The following ZNF675 variants were observed in gnomAD, a reference collection of about 807,000 sequenced individuals.
ZNF675 encodes TRAF6 inhibitory zinc finger.
A neutral mutation model predicts 56.1 loss-of-function variants in ZNF675; 36 were observed. The ratio of observed to expected loss-of-function variants is 0.64; its 90% CI spans 0.49 to 0.85. The LOEUF (loss-of-function observed/expected upper bound fraction) is 0.85, where lower values mean the gene tolerates loss of function less well. Ranked by LOEUF, ZNF675 falls within the 40% of genes least tolerant of loss-of-function variation. ZNF675 has a pLI of 0.00. For synonymous variants in ZNF675, 200 were observed against 218.9 expected, an observed-to-expected ratio of 0.91 and a Z score of 0.76; for missense variants, 663 against 654.2, an observed-to-expected ratio of 1.01 and a Z score of -0.15.
At position 23,654,625 on chromosome 19, in the gene ZNF675, T is replaced by C. The variant is rs564423664; in HGVS notation, c.308A>G (p.Tyr103Cys). ...DSFEKVTLRR[Y>C]EKCGNDNFQL... ...AAAATTATCATTTCCACATTTTTCATATCTTCTCAGTGTCACTTTTTCAAA... is the reference window on the plus strand; with the variant it reads ...AAAATTATCATTTCCACATTTTTCACATCTTCTCAGTGTCACTTTTTCAAA... Residue 103 changes from tyrosine to cysteine, a missense_variant, in exon 4 of 4, where the codon TAT becomes TGT. Physicochemically the swap from Tyr to Cys is radical, Grantham distance 194. Coordinates refer to ENST00000359788, the MANE Select transcript of ZNF675 (RefSeq NM_138330.3). The C allele has an allele frequency of 6.2e-7, 1 of 1,609,624 alleles. No homozygotes were observed. Among genetic ancestry groups the C allele is most frequent in the African/African-American group, 1.3e-5 (1 of 74,820 alleles).
intron 1 of ZNF675, among the ~76,000 whole-genome samples, chr19:23,684,766 A>G (rs1039918396): frequency 2.6e-5 from 4 of 152,154 alleles, no homozygotes; most frequent in African/African-American, 4.8e-5. Flanking sequence ...TCACTGCACT[A>G]TGCCTCAGTG....
At position 23,653,591 on chromosome 19, in the gene ZNF675, C is replaced by T. The variant is rs753328103; in HGVS notation, c.1342G>A (p.Gly448Arg). Residue 448 changes from glycine (G) to arginine (R), a missense_variant, in exon 4 of 4, where the codon GGA (glycine) becomes AGA (arginine). Gly to Arg is a moderately radical substitution (Grantham distance 125, BLOSUM62 -2). This residue lies in a region of ZNF675 where 617 missense variants were observed against 590.5 expected (regional missense o/e 1.04). Transcript: ENST00000359788. ...KLTEHKKLHTGKKPYKCEECG... is the reference protein window; with the variant it reads ...KLTEHKKLHTRKKPYKCEECG... ...TCTTCACATTTGTAGGGTTTCTTTC[C>T]AGTATGAAGTTTCTTATGTTCAGTA... The T allele has an allele frequency of 3.7e-6, 6 of 1,612,504 alleles. No individual in the cohort carries two copies. Among genetic ancestry groups the T allele is most frequent in the South Asian group, 1.1e-5 (1 of 90,960 alleles).
intron 1 of ZNF675, among the ~76,000 whole-genome samples, chr19:23,676,878 T>C (rs1968302797): frequency 6.6e-6 from 1 of 150,692 alleles, no homozygotes; most frequent in Admixed American, 6.6e-5. Context: ...ATGGAGACCA[T>C]CCTGGCTAAC....
At chr19:23,659,560 A>G (rs959992100) in intron 3 of ZNF675, among the ~76,000 whole-genome samples, 3 of 152,230 alleles carry the variant, frequency 2.0e-5, no homozygotes, top group Non-Finnish European at 4.4e-5. Flanking sequence ...AGTGCCTTTG[A>G]GAGCTTTGAG....
chr19:23,653,588 T>A lies in ZNF675; in HGVS notation c.1345A>T (p.Lys449Ter). ...LTEHKKLHTG[K>*]KPYKCEECGK... ...CATTCTTCACATTTGTAGGGTTTCT[T>A]TCCAGTATGAAGTTTCTTATGTTCA... Residue 449 changes from lysine (K) to a stop codon, truncating the protein, a stop_gained, in exon 4 of 4, where the codon AAG becomes TAG. Coordinates refer to ENST00000359788, the MANE Select transcript of ZNF675 (RefSeq NM_138330.3). LOFTEE classifies it high-confidence loss of function. 2 of 1,600,002 alleles carry A rather than the reference T, an allele frequency of 1.3e-6. No homozygotes were observed. Among genetic ancestry groups the A allele is most frequent in the Non-Finnish European group, 1.7e-6 (2 of 1,174,642 alleles).
chr19:23,653,173 C>T lies in ZNF675; in HGVS notation c.*53G>A. ...TCTTTACATTTCTAGAATTTTTCAC[C>T]AGTATGATTTCCTTTATATTTAGAA... On this transcript the variant is annotated 3_prime_UTR_variant, in exon 4 of 4. Coordinates refer to ENST00000359788, the MANE Select transcript of ZNF675 (RefSeq NM_138330.3). The T allele has an allele frequency of 6.9e-7, 1 of 1,459,238 alleles. No individual in the cohort carries two copies. The highest frequency in any genetic ancestry group is 9.2e-7 in the Non-Finnish European group (1 of 1,085,686). The allele number at this position is 1,459,238 out of a possible 1,614,324, so 90.4% of individuals were successfully genotyped here. A position where few individuals can be genotyped will look rare whatever the true frequency, so the allele number is the denominator to read the frequency against.
At position 23,652,992 on chromosome 19, in the gene ZNF675, T is replaced by C. The variant is rs1967930976; in HGVS notation, c.*234A>G. On this transcript the variant is annotated 3_prime_UTR_variant, in exon 4 of 4. Transcript: ENST00000359788. ...AATGGCTATTTTACACTCTTTATATTTGTACAATTTTTCTTAAGTATAAAC... is the reference window on the plus strand; with the variant it reads ...AATGGCTATTTTACACTCTTTATATCTGTACAATTTTTCTTAAGTATAAAC... 7.5e-6 allele frequency: 3 copies of C among 398,732 alleles called. No individual in the cohort carries two copies. The highest frequency in any genetic ancestry group is 8.8e-6 in the Non-Finnish European group (2 of 226,086). 24.7% of individuals were successfully genotyped at this position (398,732 alleles called of 1,614,324 possible).
intron 1 of ZNF675, among the ~76,000 whole-genome samples, chr19:23,676,660 C>T (rs1287247826): frequency 6.6e-6 from 1 of 151,882 alleles, no homozygotes; most frequent in African/African-American, 2.4e-5. Context: ...TAACATCCTT[C>T]ATGTTATAAC....
chr19:23,685,947 T>A (rs1296563979), intron 1 of ZNF675, among the ~76,000 whole-genome samples: 1 of 152,160 alleles, frequency 6.6e-6, no homozygotes, highest in Non-Finnish European at 1.5e-5. Context: ...AGCAGGCAAT[T>A]AGACGGAGGT....
intron 1 of ZNF675, among the ~76,000 whole-genome samples, chr19:23,681,878 T>C (rs927357636): frequency 2.0e-5 from 3 of 151,686 alleles, no homozygotes; most frequent in Non-Finnish European, 2.9e-5. Flanking sequence ...AAGAAATACA[T>C]AGGACCAGGA....
rs1968101255 is a variant in ZNF675, at chr19:23,663,015, G to GT, written c.130+16dup. On this transcript the variant is annotated intron_variant, in intron 2 of 3. Transcript: ENST00000359788. ...AAACAAAAAAAAAAAGAAACTGTGT[G>GT]TTTAAGTTATCCTTACCCAGGAAGA... 1 of 1,557,142 alleles carries GT rather than the reference G, an allele frequency of 6.4e-7. No homozygotes were observed. The highest frequency in any genetic ancestry group is 2.1e-5 in the Admixed American group (1 of 47,546).
chr19:23,657,437 C>T (rs922929747), intron 3 of ZNF675, among the ~76,000 whole-genome samples: 26 of 152,044 alleles, frequency 1.7e-4, no homozygotes, highest in African/African-American at 5.6e-4. Context: ...ACTATCTCAC[C>T]GGGTGTGGTG....
intron 1 of ZNF675, among the ~76,000 whole-genome samples, chr19:23,684,630 G>A (rs1191028769): frequency 6.6e-6 from 1 of 151,808 alleles, no homozygotes; most frequent in African/African-American, 2.4e-5. Flanking sequence ...GGCAACAAGA[G>A]TGAAACCCCA....
At chr19:23,682,039 T>C (rs1335375837) in intron 1 of ZNF675, among the ~76,000 whole-genome samples, 1 of 151,768 alleles carries the variant, frequency 6.6e-6, no homozygotes, top group Non-Finnish European at 1.5e-5. Context: ...TTCTCACCTG[T>C]TGTAGAGCCA....
chr19:23,673,770 AT>A (rs1208961214), intron 1 of ZNF675, among the ~76,000 whole-genome samples: 2 of 152,314 alleles, frequency 1.3e-5, no homozygotes, highest in African/African-American at 4.8e-5. Flanking sequence ...GCAAGCCACC[AT>A]GGTGCATGTA....
intron 1 of ZNF675, among the ~76,000 whole-genome samples, chr19:23,679,584 C>A (rs1968348175): frequency 6.6e-6 from 1 of 150,944 alleles, no homozygotes; most frequent in African/African-American, 2.5e-5. Context: ...AGACAACCTA[C>A]AGAATAAAAG....
chr19:23,655,259 G>C (rs945020018), intron 3 of ZNF675: 1 of 150,864 alleles, frequency 6.6e-6, no homozygotes, highest in African/African-American at 2.4e-5. Context: ...AAAGTAAATT[G>C]CAAACTTCAA....
In ZNF675 at chr19:23,677,089, A is replaced by AG. The variant is rs1257647805; in HGVS notation, c.3+9941_3+9942insC. Among the ~76,000 whole-genome samples the AG allele has an allele frequency of 1.2e-3, 173 of 140,720 alleles. 3 individuals are homozygous for AG. Among genetic ancestry groups the AG allele is most frequent in the East Asian group, 1.9e-3 (9 of 4,784 alleles). The allele number at this position is 140,720 out of a possible 152,430, so 92.3% of individuals were successfully genotyped here. ...AAGACTGTCTCAGAAAAAAAAAAAA[A>AG]AGAGAAAAGAAAAAAAAGAAAAAGA... On this transcript the variant is annotated intron_variant, in intron 1 of 3. Transcript: ENST00000359788.
At chr19:23,686,760 G>C (rs1440386966) in intron 1 of ZNF675, among the ~76,000 whole-genome samples, 2 of 152,234 alleles carry the variant, frequency 1.3e-5, no homozygotes, top group Non-Finnish European at 2.9e-5. Context: ...CAATCTGAGA[G>C]AAATGCGGCG....
Sources: gnomAD v4.1 joint callset for allele counts (sites outside exome capture counted in the v4.1 genomes callset) on GRCh38, gnomAD v4.1.1 for gene constraint, gnomAD v4.1.1 regional missense constraint, MANE v1.5 for transcripts, NCBI Gene and HGNC (gene_info 2026-07-23, HGNC 2026-07-21) for gene names.